Variants in SLC44A5 observed in about 807,000 individuals in gnomAD.
SLC44A5 encodes solute carrier family 44 member 5, also known as choline transporter-like protein 5.
A neutral mutation model predicts 101.8 loss-of-function variants in SLC44A5; 57 were observed. The observed-to-expected ratio is 0.56, with a 90% confidence interval of 0.45 to 0.70. The LOEUF (loss-of-function observed/expected upper bound fraction) is 0.70, where lower values mean the gene tolerates loss of function less well. SLC44A5 is among the 30% of genes least tolerant of loss of function. The probability of loss-of-function intolerance (pLI) is 0.00; values close to 1 mark genes in which losing one functional copy is unlikely to be tolerated. For missense variants in SLC44A5, 737 were observed against 853.1 expected, an observed-to-expected ratio of 0.86 and a Z score of 1.70; for synonymous variants, 281 against 290.9, an observed-to-expected ratio of 0.97 and a Z score of 0.35.
chr1:75,640,430 T>G, the SLC44A5 span, among the ~76,000 whole-genome samples: 1 of 152,070 alleles, frequency 6.6e-6, no homozygotes, highest in Non-Finnish European at 1.5e-5. Context: ...AGCAAGTCAA[T>G]GGTCAAGCCC....
chr1:75,647,293 T>C, the SLC44A5 span, among the ~76,000 whole-genome samples: 1 of 152,016 alleles, frequency 6.6e-6, no homozygotes, highest in South Asian at 2.1e-4. Flanking sequence ...AGAATTGAGG[T>C]TTGGGAACCT....
intron 2 of SLC44A5, among the ~76,000 whole-genome samples, chr1:75,530,834 C>T (rs550153001): frequency 1.3e-5 from 2 of 152,072 alleles, no homozygotes; most frequent in African/African-American, 4.8e-5. Flanking sequence ...TATGACTTTC[C>T]AAATAAATAC....
At chr1:75,206,811 C>A in intron 23 of SLC44A5, 1 of 722,224 alleles carries the variant, frequency 1.4e-6, no homozygotes, top group Non-Finnish European at 2.3e-6. Flanking sequence ...AGGGAAAAAT[C>A]AGAAAAATCA....
At chr1:75,660,596 C>A in the SLC44A5 span, among the ~76,000 whole-genome samples, 1 of 152,074 alleles carries the variant, frequency 6.6e-6, no homozygotes, top group South Asian at 2.1e-4. Flanking sequence ...TAGCAAAAAA[C>A]TAGTAGAACT....
rs1196187063 is a variant in SLC44A5, at chr1:75,419,924, C to T, written c.14-23303G>A. 5.3e-5 allele frequency among the ~76,000 whole-genome samples: 8 copies of T among 152,206 alleles called. No homozygotes were observed. In the East Asian group the frequency reaches 1.5e-3, roughly 29 times the overall value. On this transcript the variant is annotated intron_variant, in intron 2 of 23. Transcript: ENST00000370859. The stretch of plus-strand genomic sequence containing the variant: ...GACGTGTCTGCTGTGAACCCTAGAG[C>T]AACCATTGCTATGGTGTGAATTTTG...
chr1:75,327,982 T>C (rs762971367), intron 4 of SLC44A5, among the ~76,000 whole-genome samples: 4 of 152,300 alleles, frequency 2.6e-5, no homozygotes, highest in Admixed American at 6.5e-5. Context: ...CATAATGCGA[T>C]GCTGCTACTA....
chr1:75,255,444 A>G (rs911215758), intron 6 of SLC44A5, among the ~76,000 whole-genome samples: 2 of 74,860 alleles, frequency 2.7e-5, no homozygotes, highest in African/African-American at 3.9e-5. Flanking sequence ...AATTGCCAAA[A>G]CAAAAAAAAA....
At chr1:75,674,634 A>G in the SLC44A5 span, among the ~76,000 whole-genome samples, 137,708 of 151,870 alleles carry the variant, frequency 0.91, 62,632 homozygotes, top group Middle Eastern at 0.94. Context: ...CCCCAACCTC[A>G]GCCTCCCATA....
rs186827456 is a variant in SLC44A5, at chr1:75,254,835, G to A, written c.261-3541C>T. Among the ~76,000 whole-genome samples the A allele has an allele frequency of 8.1e-4, 123 of 152,236 alleles. 1 individual carries two copies. The highest frequency in any genetic ancestry group is 2.7e-3 in the African/African-American group (110 of 41,494). ...CAGATTTTCAGTGCAAATCAGAACC[G>A]CTGTGTTTCTCCCAGACCTCTATGC... On this transcript the variant is annotated intron_variant, in intron 6 of 23. Coordinates refer to ENST00000370859, the MANE Select transcript of SLC44A5 (RefSeq NM_001130058.2).
intron 23 of SLC44A5, among the ~76,000 whole-genome samples, chr1:75,207,899 C>T (rs1261827223): frequency 6.6e-6 from 1 of 152,094 alleles, no homozygotes; most frequent in Non-Finnish European, 1.5e-5. Flanking sequence ...TCCCTTTATC[C>T]AGCATCACCT....
intron 6 of SLC44A5, among the ~76,000 whole-genome samples, chr1:75,255,852 T>C (rs140775661): frequency 6.6e-6 from 1 of 152,134 alleles, no homozygotes; most frequent in Non-Finnish European, 1.5e-5. Flanking sequence ...TGGAGCAATG[T>C]CTTCACATTT....
chr1:75,478,194 G>C (rs867360977), intron 2 of SLC44A5, among the ~76,000 whole-genome samples: 1 of 152,064 alleles, frequency 6.6e-6, no homozygotes, highest in African/African-American at 2.4e-5. Flanking sequence ...TTACAGACAA[G>C]CAAATGCTGA....
chr1:75,289,843 T>C (rs1218100481), intron 5 of SLC44A5, among the ~76,000 whole-genome samples: 1 of 152,190 alleles, frequency 6.6e-6, no homozygotes, highest in East Asian at 1.9e-4. Flanking sequence ...AGGCCAATGA[T>C]TTGGCTACAT....
intron 2 of SLC44A5, among the ~76,000 whole-genome samples, chr1:75,414,315 A>G (rs906161988): frequency 1.5e-5 from 2 of 131,762 alleles, no homozygotes; most frequent in Non-Finnish European, 3.2e-5. Flanking sequence ...ACATACATAC[A>G]TATCCACATA....
At chr1:75,433,649 T>C (rs1664734084) in intron 2 of SLC44A5, among the ~76,000 whole-genome samples, 1 of 152,162 alleles carries the variant, frequency 6.6e-6, no homozygotes, top group African/African-American at 2.4e-5. Flanking sequence ...CTCTTAGATC[T>C]GTCTTTCTAA....
intron 9 of SLC44A5, among the ~76,000 whole-genome samples, chr1:75,241,221 T>C (rs2100601612): frequency 6.6e-6 from 1 of 152,106 alleles, no homozygotes; most frequent in East Asian, 1.9e-4. Flanking sequence ...TTCATTTTCT[T>C]CTTTTTCTTT....
the SLC44A5 span, among the ~76,000 whole-genome samples, chr1:75,650,471 A>T: frequency 6.6e-6 from 1 of 152,248 alleles, no homozygotes; most frequent in South Asian, 2.1e-4. Context: ...TTTCTTTGAA[A>T]TTCTATGCAT....
intron 12 of SLC44A5, among the ~76,000 whole-genome samples, chr1:75,233,499 C>T (rs184867415): frequency 1.8e-4 from 27 of 152,194 alleles, no homozygotes; most frequent in Admixed American, 1.1e-3. Context: ...AAGTGTAATT[C>T]GGAATACTTG....
chr1:75,397,684 A>G (rs980142209), intron 2 of SLC44A5, among the ~76,000 whole-genome samples: 3 of 152,164 alleles, frequency 2.0e-5, no homozygotes, highest in African/African-American at 4.8e-5. Flanking sequence ...TGAGAATCCA[A>G]GGTTCCCAGA....
Sources: gnomAD v4.1 joint callset for allele counts (sites outside exome capture counted in the v4.1 genomes callset) on GRCh38, gnomAD v4.1.1 for gene constraint, MANE v1.5 for transcripts, NCBI Gene and HGNC (gene_info 2026-07-23, HGNC 2026-07-21) for gene names.